The following ADGRL2 variants were observed in gnomAD, a reference collection of about 807,000 sequenced individuals.
ADGRL2 encodes adhesion G protein-coupled receptor L2, also known as calcium-independent alpha-latrotoxin receptor 2.
A neutral mutation model predicts 157.4 loss-of-function variants in ADGRL2; 44 were observed. The ratio of observed to expected loss-of-function variants is 0.28; its 90% CI spans 0.22 to 0.36. The LOEUF is 0.36. Ranked by LOEUF, ADGRL2 falls within the 10% of genes least tolerant of loss-of-function variation. The probability of loss-of-function intolerance (pLI) is 1.00; values close to 1 mark genes in which losing one functional copy is unlikely to be tolerated. For synonymous variants in ADGRL2, 585 were observed against 624.7 expected (o/e 0.94, Z 0.95); for missense variants, 1,510 against 1,768.9 (o/e 0.85, Z 2.63).
chr1:81,859,091 A>G (rs888112871), intron 2 of ADGRL2, among the ~76,000 whole-genome samples: 1 of 152,208 alleles, frequency 6.6e-6, no homozygotes, highest in Non-Finnish European at 1.5e-5. Context: ...GATTAAGAAG[A>G]TGCTACTATT....
intron 1 of ADGRL2, among the ~76,000 whole-genome samples, chr1:81,315,255 A>T (rs1469481670): frequency 6.6e-6 from 1 of 152,136 alleles, no homozygotes; most frequent in African/African-American, 2.4e-5. Flanking sequence ...TGTTCATGTG[A>T]TACAATATCA....
chr1:81,925,078 A>G (rs1383216229), intron 3 of ADGRL2, among the ~76,000 whole-genome samples: 1 of 152,122 alleles, frequency 6.6e-6, no homozygotes, highest in Non-Finnish European at 1.5e-5. Flanking sequence ...GATAAAGTGA[A>G]TTCCTTCTAT....
chr1:81,759,500 A>G (rs1407997398), intron 1 of ADGRL2, among the ~76,000 whole-genome samples: 3 of 152,286 alleles, frequency 2.0e-5, no homozygotes, highest in East Asian at 3.9e-4. Flanking sequence ...AACATTTATG[A>G]AAGTATAATT....
intron 1 of ADGRL2, among the ~76,000 whole-genome samples, chr1:81,390,447 A>G (rs1239528364): frequency 6.6e-6 from 1 of 152,300 alleles, no homozygotes; most frequent in East Asian, 1.9e-4. Flanking sequence ...GAAGATATGG[A>G]TAGAGAAAGA....
At chr1:81,777,067 C>T (rs1319976598) in intron 2 of ADGRL2, among the ~76,000 whole-genome samples, 1 of 152,150 alleles carries the variant, frequency 6.6e-6, no homozygotes, top group African/African-American at 2.4e-5. Flanking sequence ...TCAGCTTTCT[C>T]TCACATGAAA....
chr1:81,690,109 C>A (rs1055624204), intron 3 of ADGRL2, among the ~76,000 whole-genome samples: 25 of 152,108 alleles, frequency 1.6e-4, no homozygotes, highest in African/African-American at 5.1e-4. Flanking sequence ...TGACTACTTC[C>A]AATTATTTTT....
intron 1 of ADGRL2, among the ~76,000 whole-genome samples, chr1:81,332,107 G>A (rs1661308946): frequency 6.6e-6 from 1 of 152,060 alleles, no homozygotes; most frequent in Non-Finnish European, 1.5e-5. Context: ...TTATGCTATA[G>A]ATGTCATGAT....
intron 2 of ADGRL2, among the ~76,000 whole-genome samples, chr1:81,487,996 A>G (rs1042975519): frequency 6.6e-6 from 1 of 152,206 alleles, no homozygotes; most frequent in Non-Finnish European, 1.5e-5. Context: ...TCTCATCACG[A>G]CTACTTCTAG....
chr1:81,648,222 G>T (rs376049497), intron 3 of ADGRL2, among the ~76,000 whole-genome samples: 2 of 152,248 alleles, frequency 1.3e-5, no homozygotes, highest in East Asian at 3.9e-4. Context: ...ACTAAGAACC[G>T]CCTTTCTATC....
chr1:81,952,196 T>C, intron 9 of ADGRL2, 54 bp downstream of exon 9: 3 of 1,448,320 alleles, frequency 2.1e-6, no homozygotes, highest in Non-Finnish European at 2.8e-6. Context: ...GGCAGCTCTT[T>C]CTTGTCTTAT....
At chr1:81,747,421 C>T (rs1055713980) in intron 1 of ADGRL2, among the ~76,000 whole-genome samples, 2 of 151,656 alleles carry the variant, frequency 1.3e-5, no homozygotes, top group Non-Finnish European at 2.9e-5. Flanking sequence ...CTGTCTCAGC[C>T]TCCCAAGTAG....
chr1:81,861,014 CTT>C (rs36062412), intron 2 of ADGRL2, among the ~76,000 whole-genome samples: 6 of 118,486 alleles, frequency 5.1e-5, no homozygotes, highest in Admixed American at 9.5e-5. Flanking sequence ...ATTTCACTGA[CTT>C]TTTTTTTTTT....
chr1:81,476,793 C>T (rs1490052587), intron 2 of ADGRL2, among the ~76,000 whole-genome samples: 1 of 152,170 alleles, frequency 6.6e-6, no homozygotes, highest in Non-Finnish European at 1.5e-5. Context: ...ACCTTTTTCT[C>T]ATTCTGGCTT....
chr1:81,659,545 G>A (rs1292639667), intron 3 of ADGRL2, among the ~76,000 whole-genome samples: 1 of 152,150 alleles, frequency 6.6e-6, no homozygotes, highest in Non-Finnish European at 1.5e-5. Context: ...CAAAATAACT[G>A]GTTGCTTCTA....
intron 3 of ADGRL2, among the ~76,000 whole-genome samples, chr1:81,913,526 G>A (rs943517175): frequency 6.6e-6 from 1 of 152,080 alleles, no homozygotes; most frequent in Non-Finnish European, 1.5e-5. Flanking sequence ...ATATAAATAG[G>A]GACTCTGTAG....
intron 1 of ADGRL2, among the ~76,000 whole-genome samples, chr1:81,381,627 G>A (rs1022444668): frequency 1.3e-5 from 2 of 152,078 alleles, no homozygotes; most frequent in Admixed American, 1.3e-4. Flanking sequence ...TTTTCATGAA[G>A]AGTGTCTGCA....
chr1:81,912,660 A>T (rs1025535382), intron 3 of ADGRL2, among the ~76,000 whole-genome samples: 6 of 151,262 alleles, frequency 4.0e-5, no homozygotes. Context: ...GAGCAGAGGT[A>T]AAATTGCCAT....
At chr1:81,856,377 G>T (rs2093203256) in intron 2 of ADGRL2, among the ~76,000 whole-genome samples, 2 of 152,260 alleles carry the variant, frequency 1.3e-5, no homozygotes, top group Middle Eastern at 3.4e-3. Context: ...GAGAACAAGA[G>T]AAACGTATGG....
chr1:81,537,091 T>A (rs2079757817), intron 2 of ADGRL2, among the ~76,000 whole-genome samples: 1 of 152,190 alleles, frequency 6.6e-6, no homozygotes, highest in South Asian at 2.1e-4. Flanking sequence ...AACCTCTTGA[T>A]CTGTTTTTAT....
Sources: allele counts gnomAD v4.1 joint callset (sites outside exome capture counted in the v4.1 genomes callset), GRCh38; gene constraint gnomAD v4.1.1; transcripts MANE v1.5; gene names NCBI Gene and HGNC (gene_info 2026-07-23, HGNC 2026-07-21).